Variants in UBE2U observed in about 807,000 individuals in gnomAD.
The protein encoded by UBE2U is ubiquitin-conjugating enzyme E2 U.
In UBE2U, 39 loss-of-function variants were observed where a neutral mutation model predicts 41.2. The observed-to-expected ratio is 0.95, with a 90% CI of 0.73 to 1.24. UBE2U has a LOEUF of 1.24. Among genes scored for constraint, UBE2U ranks in the 50% most tolerant of loss-of-function variants. The probability of loss-of-function intolerance (pLI) is 0.00; values close to 1 mark genes in which losing one functional copy is unlikely to be tolerated. For synonymous variants in UBE2U, 107 were observed against 117.8 expected (o/e 0.91, Z 0.60); for missense variants, 336 against 363.1 (o/e 0.93, Z 0.61).
chr1:64,231,702 C>G (rs1195060890), intron 6 of UBE2U, among the ~76,000 whole-genome samples: 1 of 152,068 alleles, frequency 6.6e-6, no homozygotes, highest in South Asian at 2.1e-4. Flanking sequence ...TATGATTTAC[C>G]TTTAAAAACT....
chr1:64,241,984 C>T (rs1644842286), intron 8 of UBE2U, among the ~76,000 whole-genome samples: 1 of 151,964 alleles, frequency 6.6e-6, no homozygotes, highest in Non-Finnish European at 1.5e-5. Context: ...GAAGAAATCT[C>T]GTAATATCCT....
intron 8 of UBE2U, among the ~76,000 whole-genome samples, chr1:64,249,186 G>A (rs568386388): frequency 6.6e-6 from 1 of 151,908 alleles, no homozygotes; most frequent in South Asian, 2.1e-4. Context: ...AAACCAGCCT[G>A]GCCAACATGG....
chr1:64,223,106 A>G (rs1008383897), intron 6 of UBE2U, among the ~76,000 whole-genome samples: 10 of 152,198 alleles, frequency 6.6e-5, no homozygotes, highest in African/African-American at 2.2e-4. Context: ...TCATCCACGT[A>G]CTTAGAATGA....
At chr1:64,246,757 G>T (rs1644928071) in intron 8 of UBE2U, among the ~76,000 whole-genome samples, 1 of 152,130 alleles carries the variant, frequency 6.6e-6, no homozygotes, top group African/African-American at 2.4e-5. Context: ...AACACCTTTT[G>T]ATAGTCAACC....
intron 8 of UBE2U, among the ~76,000 whole-genome samples, chr1:64,251,305 A>C (rs1368522916): frequency 6.6e-6 from 1 of 151,996 alleles, no homozygotes; most frequent in Non-Finnish European, 1.5e-5. Context: ...ATTGTAAATA[A>C]TTATGATAAT....
Position 64,205,702 on chromosome 1 carries a change from C to A in UBE2U, c.130C>A (p.Gln44Lys). ...ATGGGAAGTTGAAATTGAAGGTCTACAGAATTCAGTTTGGCAGGGTTTGTA... is the reference window on the plus strand; with the variant it reads ...ATGGGAAGTTGAAATTGAAGGTCTAAAGAATTCAGTTTGGCAGGGTTTGTA... The part of the protein sequence containing the change: ...MEWEVEIEGL[Q>K]NSVWQGLVFQ... Residue 44 changes from glutamine (Q) to lysine (K), a missense_variant, in exon 2 of 10, where the codon CAG (glutamine) becomes AAG (lysine). Transcript: ENST00000371077. 1 of 1,613,056 alleles carries A rather than the reference C, an allele frequency of 6.2e-7. No homozygotes were observed. Among genetic ancestry groups the A allele is most frequent in the Admixed American group, 1.7e-5 (1 of 59,974 alleles).
chr1:64,234,434 T>C (rs1173616265), intron 7 of UBE2U, among the ~76,000 whole-genome samples: 1 of 152,186 alleles, frequency 6.6e-6, no homozygotes, highest in African/African-American at 2.4e-5. Flanking sequence ...TTGCCTTAAT[T>C]TGAAGTCTCT....
intron 5 of UBE2U, among the ~76,000 whole-genome samples, chr1:64,216,002 C>A (rs914555040): frequency 2.4e-4 from 36 of 152,192 alleles, no homozygotes; most frequent in African/African-American, 8.2e-4. Flanking sequence ...CCTTCCCAAT[C>A]AACAGGCCTT....
chr1:64,266,963 C>T, intron 9 of UBE2U, 61 bp from the exon 10 acceptor site: 1 of 1,451,608 alleles, frequency 6.9e-7, no homozygotes, highest in Non-Finnish European at 9.3e-7. Flanking sequence ...GAACACTTCT[C>T]TTTTTATTGT....
At chr1:64,229,912 A>C (rs1644520956) in intron 6 of UBE2U, among the ~76,000 whole-genome samples, 1 of 152,188 alleles carries the variant, frequency 6.6e-6, no homozygotes, top group African/African-American at 2.4e-5. Flanking sequence ...TGTCTTAATC[A>C]CACTCCTGAA....
intron 8 of UBE2U, among the ~76,000 whole-genome samples, chr1:64,258,164 CT>C (rs1645124503): frequency 6.6e-6 from 1 of 152,094 alleles, no homozygotes; most frequent in Admixed American, 6.6e-5. Flanking sequence ...TCATTTTTGT[CT>C]CTTCCATGAA....
Position 64,249,516 on chromosome 1 carries a change from A to G in UBE2U, c.677+7783A>G, listed in dbSNP as rs115929280. ...AATTAACAGATACAGACTTTAAAGC[A>G]GCTACTATACATCTTATAAAATATA... On this transcript the variant is annotated intron_variant, in intron 8 of 9. Transcript: ENST00000371077. Among the ~76,000 whole-genome samples, 1,132 of 152,170 alleles carry G rather than the reference A, an allele frequency of 7.4e-3. 9 individuals are homozygous for G. The highest frequency in any genetic ancestry group is 0.014 in the Middle Eastern group (4 of 294).
rs1381455820 is a variant in UBE2U, at chr1:64,246,721, ATCT to A, written c.677+4994_677+4996del. Among the ~76,000 whole-genome samples the A allele has an allele frequency of 3.3e-5, 5 of 152,306 alleles. No individual in the cohort carries two copies. In the South Asian group the frequency reaches 6.2e-4, roughly 19 times the overall value. On this transcript the variant is annotated intron_variant, in intron 8 of 9. Coordinates refer to ENST00000371077, the MANE Select transcript of UBE2U (RefSeq NM_001366232.2). ...ATTCAAGAAGCATTAAATAGCTCTA[ATCT>A]TCTTCAGTTCTAGCTTGTATCTAAC...
intron 5 of UBE2U, among the ~76,000 whole-genome samples, chr1:64,218,727 G>A (rs977000351): frequency 1.2e-4 from 18 of 152,082 alleles, no homozygotes; most frequent in Admixed American, 6.5e-4. Flanking sequence ...ATATGATTTG[G>A]TTACATTAAT....
chr1:64,259,898 C>G, intron 8 of UBE2U, among the ~76,000 whole-genome samples: 1 of 151,812 alleles, frequency 6.6e-6, no homozygotes, highest in East Asian at 1.9e-4. Flanking sequence ...ACCTGTCCCC[C>G]CAGAACCTCA....
chr1:64,228,175 C>A (rs1455872510), intron 6 of UBE2U, among the ~76,000 whole-genome samples: 1 of 152,100 alleles, frequency 6.6e-6, no homozygotes, highest in South Asian at 2.1e-4. Context: ...TACTAGAAAA[C>A]GACTATAACT....
chr1:64,231,606 GTTAT>G (rs2100388703), intron 6 of UBE2U, among the ~76,000 whole-genome samples: 1 of 152,266 alleles, frequency 6.6e-6, no homozygotes, highest in East Asian at 1.9e-4. Context: ...GTGCATAATT[GTTAT>G]TTAAATAAAT....
Position 64,210,778 on chromosome 1 carries a change from T to C in UBE2U, c.278T>C (p.Leu93Ser). 6.2e-7 allele frequency: 1 copy of C among 1,605,998 alleles called. No homozygotes were observed. The highest frequency in any genetic ancestry group is 8.5e-7 in the Non-Finnish European group (1 of 1,175,020). ...PHTGQPCIDF[L>S]DNPEKWNTNY... ...ACTGGTCAGCCCTGTATAGACTTTTTGGACAACCCTGAGAAGTGGAATACA... is the reference window on the plus strand; with the variant it reads ...ACTGGTCAGCCCTGTATAGACTTTTCGGACAACCCTGAGAAGTGGAATACA... Residue 93 changes from leucine (L) to serine (S), a missense_variant, in exon 4 of 10, where the codon TTG becomes TCG. Physicochemically the swap from Leu to Ser is moderately radical, Grantham distance 145. Coordinates refer to ENST00000371077, the MANE Select transcript of UBE2U (RefSeq NM_001366232.2).
At position 64,204,065 on chromosome 1, in the gene UBE2U, T is replaced by C; in HGVS notation, c.15T>C (p.Ala5=). 6.2e-7 allele frequency: 1 copy of C among 1,613,964 alleles called. No individual in the cohort carries two copies. The highest frequency in any genetic ancestry group is 2.2e-5 in the East Asian group (1 of 44,866). The change falls in exon 1 of 10, where the codon GCT becomes GCC. Residue 5 remains alanine, a synonymous_variant. Transcript: ENST00000371077. The part of the protein sequence containing the change: MHGR[A]YLLLHRDFCD... ...CGCTGCCTATCATGCACGGCAGAGC[T>C]TACCTCTTGCTGCACAGAGACTTCT...
Sources: allele counts gnomAD v4.1 joint callset (sites outside exome capture counted in the v4.1 genomes callset), GRCh38; gene constraint gnomAD v4.1.1; transcripts MANE v1.5; gene names NCBI Gene and HGNC (gene_info 2026-07-23, HGNC 2026-07-21).